Variants in CMIP observed in about 807,000 individuals in gnomAD.
CMIP encodes C-Maf-inducing protein.
CMIP carries 13 observed loss-of-function variants against 97.3 expected under a neutral mutation model. The ratio of observed to expected loss-of-function variants is 0.13; its 90% CI spans 0.09 to 0.21. The LOEUF (loss-of-function observed/expected upper bound fraction) is 0.21. Among genes scored for constraint, CMIP ranks in the 10% least tolerant of loss-of-function variants. The pLI is 1.00. For missense variants in CMIP, 847 were observed against 1,024.9 expected, an observed-to-expected ratio of 0.83 and a Z score of 2.37; for synonymous variants, 538 against 436.3, an observed-to-expected ratio of 1.23 and a Z score of -2.91.
chr16:81,550,908 ATGCACCCCAGTTC>A (rs2090640868), intron 1 of CMIP, among the ~76,000 whole-genome samples: 1 of 148,876 alleles, frequency 6.7e-6, no homozygotes, highest in East Asian at 2.0e-4. Flanking sequence ...GTTCCGTCAC[ATGCACCCCAGTTC>A]CGTCACATAT....
intron 1 of CMIP, among the ~76,000 whole-genome samples, chr16:81,491,474 C>A (rs1410574221): frequency 6.6e-6 from 1 of 152,326 alleles, no homozygotes; most frequent in South Asian, 2.1e-4. Flanking sequence ...CTCCAAAGCC[C>A]TGGACACGAG....
At chr16:81,500,170 A>G (rs1218111128) in intron 1 of CMIP, among the ~76,000 whole-genome samples, 2 of 151,942 alleles carry the variant, frequency 1.3e-5, no homozygotes, top group Non-Finnish European at 2.9e-5. Flanking sequence ...CTGCCTGAGC[A>G]TCGGTGAACA....
At chr16:81,551,948 C>T (rs1001619688) in intron 1 of CMIP, among the ~76,000 whole-genome samples, 3 of 152,344 alleles carry the variant, frequency 2.0e-5, no homozygotes, top group African/African-American at 4.8e-5. Flanking sequence ...TCACCATGGA[C>T]GCTGTTCCCC....
At chr16:81,513,654 G>A (rs1374691962) in intron 1 of CMIP, among the ~76,000 whole-genome samples, 5 of 152,210 alleles carry the variant, frequency 3.3e-5, no homozygotes, top group African/African-American at 1.2e-4. Context: ...CAGACCCGTG[G>A]GTCTAGGCAA....
intron 1 of CMIP, among the ~76,000 whole-genome samples, chr16:81,529,970 G>A (rs1410861660): frequency 6.6e-6 from 1 of 152,232 alleles, no homozygotes; most frequent in Non-Finnish European, 1.5e-5. Flanking sequence ...ATGGGCAGGT[G>A]CAGGGACATC....
At chr16:81,629,215 G>C (rs549761383) in intron 3 of CMIP, among the ~76,000 whole-genome samples, 1 of 142,348 alleles carries the variant, frequency 7.0e-6, no homozygotes, top group African/African-American at 2.6e-5. Flanking sequence ...TTCTCACGCA[G>C]AAGGGCTGAT....
intron 11 of CMIP, among the ~76,000 whole-genome samples, chr16:81,692,240 C>T (rs1427609919): frequency 3.3e-5 from 5 of 152,228 alleles, no homozygotes; most frequent in Admixed American, 3.3e-4. Context: ...AGATAATGCG[C>T]GTAGCATTGC....
At chr16:81,609,048 G>GT (rs2091788359) in intron 2 of CMIP, among the ~76,000 whole-genome samples, 1 of 152,138 alleles carries the variant, frequency 6.6e-6, no homozygotes, top group Non-Finnish European at 1.5e-5. Context: ...GAAATGTCCT[G>GT]TTTCTTACTG....
At chr16:81,484,863 C>T (rs994713075) in intron 1 of CMIP, among the ~76,000 whole-genome samples, 2 of 151,966 alleles carry the variant, frequency 1.3e-5, no homozygotes, top group East Asian at 3.9e-4. Context: ...TTATCCCCTT[C>T]CTAGGAGTGG....
At chr16:81,672,194 C>G in intron 9 of CMIP, 124 bp downstream of exon 9, 2 of 584,172 alleles carry the variant, frequency 3.4e-6, no homozygotes, top group East Asian at 2.9e-5. Context: ...CTGGGCAGAC[C>G]TCATGGTGTG....
At chr16:81,606,131 C>A (rs1010921659) in intron 1 of CMIP, among the ~76,000 whole-genome samples, 5 of 152,212 alleles carry the variant, frequency 3.3e-5, no homozygotes, top group African/African-American at 1.2e-4. Flanking sequence ...TTGCCTTTGC[C>A]TCTTTCTTGG....
intron 1 of CMIP, among the ~76,000 whole-genome samples, chr16:81,533,565 G>A (rs998489820): frequency 1.6e-4 from 25 of 152,090 alleles, no homozygotes; most frequent in African/African-American, 5.8e-4. Flanking sequence ...TGCAGCCTCC[G>A]TCTCCCGGGT....
At chr16:81,593,714 C>T (rs75837365) in intron 1 of CMIP, among the ~76,000 whole-genome samples, 2,381 of 152,230 alleles carry the variant, frequency 0.016, 73 homozygotes, top group East Asian at 0.13. Flanking sequence ...AATGGATCCT[C>T]GCCTCACCCG....
intron 1 of CMIP, among the ~76,000 whole-genome samples, chr16:81,595,112 C>T (rs1370983051): frequency 6.6e-6 from 1 of 151,818 alleles, no homozygotes; most frequent in African/African-American, 2.4e-5. Context: ...TAACTGAAAC[C>T]TCTGAAAGTG....
chr16:81,696,373 G>A, intron 13 of CMIP, 187 bp from the exon 14 acceptor site: 1 of 642,736 alleles, frequency 1.6e-6, no homozygotes, highest in South Asian at 1.8e-5. Context: ...TGGGGGCCAC[G>A]GTATTTCCCG....
intron 7 of CMIP, chr16:81,665,888 C>T (rs1000087173): frequency 6.6e-6 from 1 of 152,238 alleles, no homozygotes; most frequent in Non-Finnish European, 1.5e-5. Flanking sequence ...CCACTACCAA[C>T]TGAAATCGTG....
At chr16:81,576,030 C>T (rs2091182891) in intron 1 of CMIP, among the ~76,000 whole-genome samples, 1 of 152,158 alleles carries the variant, frequency 6.6e-6, no homozygotes, top group African/African-American at 2.4e-5. Flanking sequence ...TGTAACAACC[C>T]TCTAGGGTAG....
chr16:81,694,636 C>G (rs1906491031), intron 13 of CMIP, among the ~76,000 whole-genome samples: 2 of 152,198 alleles, frequency 1.3e-5, no homozygotes, highest in African/African-American at 2.4e-5. Flanking sequence ...GGAGCTTGTT[C>G]AAAAGGCAGA....
chr16:81,709,679 C>G (rs1035617428), intron 20 of CMIP, 67 bp from the exon 21 acceptor site: 4 of 1,574,638 alleles, frequency 2.5e-6, no homozygotes, highest in Non-Finnish European at 3.5e-6. Flanking sequence ...GCGGGTGGAG[C>G]CAGGCACTGG....
Sources: allele counts gnomAD v4.1 joint callset (sites outside exome capture counted in the v4.1 genomes callset), GRCh38; gene constraint gnomAD v4.1.1; transcripts MANE v1.5; gene names NCBI Gene and HGNC (gene_info 2026-07-23, HGNC 2026-07-21).